ABLIM1: variants seen among roughly 807,000 people sequenced by gnomAD.
ABLIM1 encodes actin-binding LIM protein 1.
A neutral mutation model predicts 107.0 loss-of-function variants in ABLIM1; 40 were observed. The observed-to-expected ratio is 0.37, with a 90% CI of 0.29 to 0.49. The LOEUF (loss-of-function observed/expected upper bound fraction) is 0.49, where lower values mean the gene tolerates loss of function less well. ABLIM1 is among the 20% of genes least tolerant of loss of function. The pLI, the probability that ABLIM1 is intolerant of heterozygous loss-of-function variation, is 0.97. For synonymous variants in ABLIM1, 357 were observed against 357.3 expected (o/e 1.00, Z 0.01); for missense variants, 857 against 1,008.5 (o/e 0.85, Z 2.04).
the ABLIM1 span, among the ~76,000 whole-genome samples, chr10:114,799,002 A>G: frequency 6.6e-6 from 1 of 151,856 alleles, no homozygotes; most frequent in Non-Finnish European, 1.5e-5. Flanking sequence ...GTCTCACCAT[A>G]TTGGCCAGGA....
chr10:114,634,425 C>T (rs2078374842), intron 1 of ABLIM1, among the ~76,000 whole-genome samples: 1 of 152,070 alleles, frequency 6.6e-6, no homozygotes, highest in African/African-American at 2.4e-5. Flanking sequence ...AGCCACCGCG[C>T]CCGGCCTCAA....
In ABLIM1 at chr10:114,579,433, T is replaced by C. The variant is rs575336457; in HGVS notation, c.380-3834A>G. ...AGAGTAAACGATTTTAAAAATCCCA[T>C]TTTTAGATAAGTCATGTTTTTATGA... On this transcript the variant is annotated intron_variant, in intron 2 of 22. Coordinates refer to ENST00000533213, the MANE Select transcript of ABLIM1 (RefSeq NM_002313.7). Among the ~76,000 whole-genome samples the C allele has an allele frequency of 1.8e-4, 28 of 152,282 alleles. No individual in the cohort carries two copies. The South Asian group carries it at 5.4e-3, about 29-fold the overall frequency.
chr10:114,591,413 T>C (rs1489115411), intron 2 of ABLIM1, among the ~76,000 whole-genome samples: 1 of 152,190 alleles, frequency 6.6e-6, no homozygotes, highest in African/African-American at 2.4e-5. Flanking sequence ...CCAGTTATCA[T>C]TTCCTCTATA....
At position 114,644,306 on chromosome 10, in the gene ABLIM1, A is replaced by AAAAAAT. The variant is rs1408072252; in HGVS notation, c.244+13650_244+13651insATTTTT. Among the ~76,000 whole-genome samples the AAAAAAT allele has an allele frequency of 3.2e-3, 167 of 52,220 alleles. 3 individuals are homozygous for AAAAAAT. Among genetic ancestry groups the AAAAAAT allele is most frequent in the Non-Finnish European group, 4.3e-3 (136 of 31,832 alleles). 34.3% of individuals were successfully genotyped at this position (52,220 alleles called of 152,430 possible). ...AAAAAAAAAAAAAAAAAAAAAAAAA[A>AAAAAAT]ATATATATATATATATATATATATG... is the stretch of plus-strand genomic sequence containing the variant. On this transcript the variant is annotated intron_variant, in intron 1 of 22. Coordinates refer to ENST00000533213, the MANE Select transcript of ABLIM1 (RefSeq NM_002313.7).
At position 114,567,174 on chromosome 10, in the gene ABLIM1, T is replaced by C. The variant is rs556162879; in HGVS notation, c.673+4123A>G. 2.3e-3 allele frequency among the ~76,000 whole-genome samples: 356 copies of C among 152,304 alleles called. 3 individuals are homozygous for C. The highest frequency in any genetic ancestry group is 8.3e-3 in the African/African-American group (346 of 41,580). On this transcript the variant is annotated intron_variant, in intron 4 of 22. Coordinates refer to ENST00000533213, the MANE Select transcript of ABLIM1 (RefSeq NM_002313.7). ...GGCACCTGGATAATCTGCAGACAAA[T>C]GTGCCACTGCTCCAAGGCTCAGCAC...
At chr10:114,664,577 G>A (rs1000614950) in intron 1 of ABLIM1, among the ~76,000 whole-genome samples, 7 of 150,778 alleles carry the variant, frequency 4.6e-5, no homozygotes, top group South Asian at 2.1e-4. Flanking sequence ...AAGGAATCTC[G>A]CTGTCACCCA....
chr10:114,529,462 T>A (rs565697037), intron 6 of ABLIM1, among the ~76,000 whole-genome samples: 1 of 152,298 alleles, frequency 6.6e-6, no homozygotes, highest in African/African-American at 2.4e-5. Flanking sequence ...GGATGATCAG[T>A]TTCTCTTTTT....
Position 114,585,929 on chromosome 10 carries a change from C to A in ABLIM1, c.380-10330G>T, listed in dbSNP as rs151083693. ...ACTGCAAGCTTACTGAAGGCAAAGA[C>A]CACTTCTTATGCTTTATGTCTTCCA... is the stretch of plus-strand genomic sequence containing the variant. On this transcript the variant is annotated intron_variant, in intron 2 of 22. Coordinates refer to ENST00000533213, the MANE Select transcript of ABLIM1 (RefSeq NM_002313.7). 2.6e-3 allele frequency among the ~76,000 whole-genome samples: 395 copies of A among 152,304 alleles called. 1 individual carries two copies. The highest frequency in any genetic ancestry group is 9.2e-3 in the African/African-American group (382 of 41,564).
intron 6 of ABLIM1, among the ~76,000 whole-genome samples, chr10:114,499,545 T>G (rs984237946): frequency 1.3e-5 from 2 of 152,178 alleles, no homozygotes; most frequent in African/African-American, 4.8e-5. Context: ...CTAACATTAT[T>G]GCGCATAAGC....
chr10:114,637,197 T>C (rs1291432138), intron 1 of ABLIM1, among the ~76,000 whole-genome samples: 4 of 152,082 alleles, frequency 2.6e-5, no homozygotes, highest in Admixed American at 2.6e-4. Flanking sequence ...GCTTCTCCGG[T>C]GACTAAGGAC....
At chr10:114,668,836 C>T (rs1420196458) in intron 1 of ABLIM1, among the ~76,000 whole-genome samples, 1 of 152,196 alleles carries the variant, frequency 6.6e-6, no homozygotes, top group Non-Finnish European at 1.5e-5. Flanking sequence ...GTCCAGCTGG[C>T]AGCTGAGAAT....
At chr10:114,477,048 A>G (rs995298171) in intron 8 of ABLIM1, among the ~76,000 whole-genome samples, 1 of 152,148 alleles carries the variant, frequency 6.6e-6, no homozygotes, top group Non-Finnish European at 1.5e-5. Context: ...ATAAGGAAAA[A>G]GTATCAGTGC....
intron 14 of ABLIM1, among the ~76,000 whole-genome samples, chr10:114,450,428 T>A (rs1370731144): frequency 6.9e-6 from 1 of 145,902 alleles, no homozygotes; most frequent in Non-Finnish European, 1.5e-5. Flanking sequence ...TTCTTCTTTC[T>A]TTCTTTCTTT....
chr10:114,761,401 C>G (rs79950178), intron 1 of ABLIM1, among the ~76,000 whole-genome samples: 2 of 152,180 alleles, frequency 1.3e-5, no homozygotes, highest in African/African-American at 4.8e-5. Flanking sequence ...CAGCCCCTAT[C>G]ACCTCTCTGC....
At chr10:114,684,775 C>T in exon 1 of ABLIM1, 2 of 945,906 alleles carry the variant, frequency 2.1e-6, no homozygotes, top group Non-Finnish European at 2.5e-6. Flanking sequence ...ACTATCATTT[C>T]ACAATAACTG....
intron 1 of ABLIM1, among the ~76,000 whole-genome samples, chr10:114,754,176 A>T (rs186861648): frequency 6.6e-6 from 1 of 152,280 alleles, no homozygotes; most frequent in East Asian, 1.9e-4. Context: ...AAGAGAACAA[A>T]CCTATAAGGA....
chr10:114,487,957 C>A lies in ABLIM1; in HGVS notation c.1041+1G>T. On this transcript the variant is annotated splice_donor_variant, in intron 8 of 22. Coordinates refer to ENST00000533213, the MANE Select transcript of ABLIM1 (RefSeq NM_002313.7). LOFTEE classifies it high-confidence loss of function. ...GCATCATGTTTTAATTGTGTCCTTACCCGCAGCTTTTCCTCGGTCTTCGTA... is the reference window on the plus strand; with the variant it reads ...GCATCATGTTTTAATTGTGTCCTTAACCGCAGCTTTTCCTCGGTCTTCGTA... The A allele has an allele frequency of 6.2e-7, 1 of 1,614,104 alleles. No individual in the cohort carries two copies. The highest frequency in any genetic ancestry group is 8.5e-7 in the Non-Finnish European group (1 of 1,179,992).
At chr10:114,595,655 TA>T (rs1280916236) in intron 2 of ABLIM1, among the ~76,000 whole-genome samples, 19 of 152,328 alleles carry the variant, frequency 1.2e-4, no homozygotes, top group African/African-American at 4.1e-4. Context: ...AGAAATACCA[TA>T]AGCTTTTGGG....
At chr10:114,703,676 C>T (rs1387882822) in intron 1 of ABLIM1, among the ~76,000 whole-genome samples, 1 of 152,204 alleles carries the variant, frequency 6.6e-6, no homozygotes, top group Non-Finnish European at 1.5e-5. Context: ...TCCAATGCAC[C>T]TGGTCTGTGC....
Sources: gnomAD v4.1 joint callset for allele counts (sites outside exome capture counted in the v4.1 genomes callset) on GRCh38, gnomAD v4.1.1 for gene constraint, MANE v1.5 for transcripts, NCBI Gene and HGNC (gene_info 2026-07-23, HGNC 2026-07-21) for gene names.